CACNA2D1: variants seen among roughly 807,000 people sequenced by gnomAD.
The protein encoded by CACNA2D1 is calcium voltage-gated channel auxiliary subunit alpha2delta 1, also known as voltage-dependent calcium channel subunit alpha-2/delta-1.
A neutral mutation model predicts 171.5 loss-of-function variants in CACNA2D1; 53 were observed. The ratio of observed to expected loss-of-function variants is 0.31; its 90% confidence interval spans 0.25 to 0.39. The LOEUF (loss-of-function observed/expected upper bound fraction) is 0.39. CACNA2D1 is among the 10% of genes least tolerant of loss of function. CACNA2D1 has a pLI of 1.00. For synonymous variants in CACNA2D1, 442 were observed against 443.1 expected, an observed-to-expected ratio of 1.00 and a Z score of 0.03; for missense variants, 903 against 1,299.8, an observed-to-expected ratio of 0.69 and a Z score of 4.69.
intron 1 of CACNA2D1, among the ~76,000 whole-genome samples, chr7:82,397,153 G>A (rs535224052): frequency 1.4e-4 from 21 of 152,072 alleles, no homozygotes; most frequent in Admixed American, 3.9e-4. Context: ...TCACTAACTC[G>A]CTTTCCCCAA....
chr7:82,071,969 G>A (rs760257080), intron 7 of CACNA2D1, among the ~76,000 whole-genome samples: 4 of 152,148 alleles, frequency 2.6e-5, no homozygotes, highest in Non-Finnish European at 5.9e-5. Context: ...ATGGCAGATA[G>A]CTGAAACCTC....
chr7:81,998,971 C>T (rs138212717), intron 18 of CACNA2D1, among the ~76,000 whole-genome samples: 30 of 152,258 alleles, frequency 2.0e-4, no homozygotes, highest in African/African-American at 6.7e-4. Context: ...ACTGTCCTCA[C>T]ACAAACACCA....
intron 3 of CACNA2D1, among the ~76,000 whole-genome samples, chr7:82,188,135 C>A (rs1333982371): frequency 1.3e-5 from 2 of 152,074 alleles, no homozygotes; most frequent in East Asian, 3.9e-4. Flanking sequence ...AAACTAATCA[C>A]CTTCCAAATT....
intron 12 of CACNA2D1, among the ~76,000 whole-genome samples, chr7:82,031,805 C>T (rs979511806): frequency 4.6e-5 from 7 of 151,818 alleles, no homozygotes; most frequent in Admixed American, 3.3e-4. Flanking sequence ...TCCTCAAGCA[C>T]ATATAAAACA....
At chr7:82,402,326 C>T (rs766997549) in intron 1 of CACNA2D1, among the ~76,000 whole-genome samples, 2 of 152,112 alleles carry the variant, frequency 1.3e-5, no homozygotes, top group South Asian at 2.1e-4. Flanking sequence ...CTTTATTAAC[C>T]CTCACAATAA....
At chr7:82,264,718 G>T (rs1218488836) in intron 3 of CACNA2D1, among the ~76,000 whole-genome samples, 1 of 152,212 alleles carries the variant, frequency 6.6e-6, no homozygotes, top group Non-Finnish European at 1.5e-5. Flanking sequence ...GTGTCTCACA[G>T]CTGCACTTTC....
At chr7:82,097,355 T>C (rs1482604933) in intron 6 of CACNA2D1, among the ~76,000 whole-genome samples, 1 of 152,008 alleles carries the variant, frequency 6.6e-6, no homozygotes, top group Non-Finnish European at 1.5e-5. Flanking sequence ...CAGCCAGATG[T>C]GAATAGAGAA....
At chr7:82,028,205 G>A (rs1367483529) in intron 12 of CACNA2D1, 1 of 151,582 alleles carries the variant, frequency 6.6e-6, no homozygotes, top group Non-Finnish European at 1.5e-5. Flanking sequence ...AAAATCTCAG[G>A]GTCCTTAAGA....
intron 3 of CACNA2D1, among the ~76,000 whole-genome samples, chr7:82,311,458 C>G (rs1454820863): frequency 6.6e-6 from 1 of 151,890 alleles, no homozygotes; most frequent in Admixed American, 6.6e-5. Flanking sequence ...GAGGACAAAA[C>G]TAATTTTTTA....
At chr7:82,111,444 A>ATATATATATTTTT (rs1207440298) in intron 6 of CACNA2D1, among the ~76,000 whole-genome samples, 9 of 69,968 alleles carry the variant, frequency 1.3e-4, no homozygotes, top group African/African-American at 5.4e-4. Flanking sequence ...ATATATATAT[A>ATATATATATTTTT]TTTTTTTTTT....
chr7:82,061,256 T>C (rs982323162), intron 9 of CACNA2D1, among the ~76,000 whole-genome samples: 1 of 152,174 alleles, frequency 6.6e-6, no homozygotes, highest in Non-Finnish European at 1.5e-5. Context: ...GTCTCAGCCA[T>C]CCAATTTGTT....
At chr7:82,230,489 T>C (rs1419656138) in intron 3 of CACNA2D1, among the ~76,000 whole-genome samples, 2 of 152,192 alleles carry the variant, frequency 1.3e-5, no homozygotes, top group Non-Finnish European at 2.9e-5. Flanking sequence ...CTGCTGGAAA[T>C]GTATCTAAGA....
intron 4 of CACNA2D1, among the ~76,000 whole-genome samples, chr7:82,163,686 T>C (rs930688494): frequency 6.6e-6 from 1 of 152,030 alleles, no homozygotes; most frequent in African/African-American, 2.4e-5. Flanking sequence ...CACCCCATTT[T>C]TGCATAGAGC....
chr7:82,333,727 T>C (rs533183653), intron 3 of CACNA2D1, among the ~76,000 whole-genome samples: 8 of 151,014 alleles, frequency 5.3e-5, no homozygotes, highest in African/African-American at 1.7e-4. Flanking sequence ...TGGAGTTTAC[T>C]AGGGGAAGGC....
intron 2 of CACNA2D1, among the ~76,000 whole-genome samples, chr7:82,345,619 T>TAG (rs770756003): frequency 4.2e-4 from 64 of 152,006 alleles, no homozygotes; most frequent in South Asian, 1.2e-3. Flanking sequence ...TTTTTAAAAA[T>TAG]GTTATCTATT....
intron 3 of CACNA2D1, among the ~76,000 whole-genome samples, chr7:82,216,883 C>T (rs1451736911): frequency 9.8e-6 from 1 of 101,970 alleles, no homozygotes; most frequent in Non-Finnish European, 2.0e-5. Flanking sequence ...TGCTGTTAAG[C>T]CTAAATCCAA....
At chr7:82,414,469 G>A (rs914392072) in intron 1 of CACNA2D1, among the ~76,000 whole-genome samples, 7 of 152,232 alleles carry the variant, frequency 4.6e-5, no homozygotes, top group Admixed American at 2.6e-4. Context: ...CAAACGTGGC[G>A]AAAGAAATAA....
intron 3 of CACNA2D1, among the ~76,000 whole-genome samples, chr7:82,262,735 A>G (rs972073870): frequency 3.5e-4 from 53 of 152,104 alleles, no homozygotes; most frequent in African/African-American, 1.3e-3. Context: ...ACAAGCCATA[A>G]AAACCAGAAT....
intron 1 of CACNA2D1, among the ~76,000 whole-genome samples, chr7:82,429,131 T>C (rs10233444): frequency 0.67 from 101,635 of 152,098 alleles, 35,010 homozygotes; most frequent in African/African-American, 0.84. Flanking sequence ...CATTTCTGGA[T>C]ACTACAAAGC....
Sources: gnomAD v4.1 joint callset for allele counts (sites outside exome capture counted in the v4.1 genomes callset) on GRCh38, gnomAD v4.1.1 for gene constraint, MANE v1.5 for transcripts, NCBI Gene and HGNC (gene_info 2026-07-23, HGNC 2026-07-21) for gene names.